PCDHA4: variants seen among roughly 807,000 people sequenced by gnomAD.
PCDHA4 encodes the protein protocadherin alpha 4.
A neutral mutation model predicts 61.4 loss-of-function variants in PCDHA4; 49 were observed. The observed-to-expected ratio is 0.80, with a 90% CI of 0.63 to 1.01. The LOEUF (loss-of-function observed/expected upper bound fraction) is 1.01, where lower values mean the gene tolerates loss of function less well. PCDHA4 is among the 50% of genes least tolerant of loss of function. The probability of loss-of-function intolerance (pLI) is 0.00; values close to 1 mark genes in which losing one functional copy is unlikely to be tolerated. For missense variants in PCDHA4, 1,254 were observed against 1,235.8 expected, an observed-to-expected ratio of 1.01 and a Z score of -0.22; for synonymous variants, 590 against 550.3, an observed-to-expected ratio of 1.07 and a Z score of -1.01.
intron 2 of PCDHA4, among the ~76,000 whole-genome samples, chr5:140,979,312 C>G (rs1419194517): frequency 1.3e-5 from 2 of 152,166 alleles, no homozygotes; most frequent in Admixed American, 6.5e-5. Flanking sequence ...CCCTCTCTAC[C>G]TATGCTTTCT....
At position 140,828,792 on chromosome 5, in the gene PCDHA4, A is replaced by G. The variant is rs1554131542; in HGVS notation, c.2385+19220A>G. 3 of 1,614,098 alleles carry G rather than the reference A, an allele frequency of 1.9e-6. No homozygotes were observed. The East Asian group carries it at 6.7e-5, about 36-fold the overall frequency. ...GTTCAGCTGCTGGTCACAGTGCTGG[A>G]TGTGAATGATAATGCTCCCACTTTC... On this transcript the variant is annotated intron_variant, in intron 1 of 3. Coordinates refer to ENST00000530339, the MANE Select transcript of PCDHA4 (RefSeq NM_018907.4).
chr5:140,857,108 C>T, intron 1 of PCDHA4: 6 of 1,597,856 alleles, frequency 3.8e-6, no homozygotes, highest in Non-Finnish European at 5.1e-6. Context: ...TGTCACTTCT[C>T]TGTCTCTCCC....
chr5:140,968,709 T>C lies in PCDHA4; in HGVS notation c.2386-10240T>C, dbSNP rs2153773320. ...GGAGAAATTAGGACTACCAGGAAGA[T>C]GGGAGATGAGAGTGGTAGCACTTTC... On this transcript the variant is annotated intron_variant, in intron 1 of 3. Coordinates refer to ENST00000530339, the MANE Select transcript of PCDHA4 (RefSeq NM_018907.4). The C allele has an allele frequency of 1.9e-6, 3 of 1,614,030 alleles. No homozygotes were observed. In the East Asian group the frequency reaches 6.7e-5, roughly 36 times the overall value.
intron 1 of PCDHA4, among the ~76,000 whole-genome samples, chr5:140,912,343 ATTTTT>A (rs35252606): frequency 7.0e-6 from 1 of 143,858 alleles, no homozygotes; most frequent in Non-Finnish European, 1.5e-5. Context: ...TACACTAAGT[ATTTTT>A]TTTTTTTTTT....
chr5:140,941,169 C>T (rs1283079666), intron 1 of PCDHA4, among the ~76,000 whole-genome samples: 1 of 145,950 alleles, frequency 6.9e-6, no homozygotes, highest in Admixed American at 6.9e-5. Flanking sequence ...GACTCCCCAT[C>T]TTGAACATCC....
intron 1 of PCDHA4, among the ~76,000 whole-genome samples, chr5:140,888,737 A>G (rs1468383652): frequency 6.6e-6 from 1 of 152,036 alleles, no homozygotes; most frequent in Non-Finnish European, 1.5e-5. Flanking sequence ...TGTGAGCTCT[A>G]GGAATTATTC....
At chr5:140,843,834 G>C in intron 1 of PCDHA4, 1 of 1,102,920 alleles carries the variant, frequency 9.1e-7, no homozygotes, top group Non-Finnish European at 1.3e-6. Flanking sequence ...ACATTGTTTA[G>C]TTTTTAGAAA....
At chr5:140,947,454 C>T (rs138457341) in intron 1 of PCDHA4, among the ~76,000 whole-genome samples, 1 of 151,582 alleles carries the variant, frequency 6.6e-6, no homozygotes, top group Non-Finnish European at 1.5e-5. Flanking sequence ...ATCCTCCAAC[C>T]TTGTTCTACT....
intron 1 of PCDHA4, among the ~76,000 whole-genome samples, chr5:140,941,343 G>C (rs2093045496): frequency 8.8e-6 from 1 of 114,104 alleles, no homozygotes. Context: ...TTCAGATGGA[G>C]TCTTGCTCTG....
chr5:140,850,612 C>T (rs1411031639), intron 1 of PCDHA4: 8 of 1,598,454 alleles, frequency 5.0e-6, no homozygotes, highest in Non-Finnish European at 6.8e-6. Context: ...GCCATCTGCG[C>T]GGTGTCTAGC....
At chr5:140,884,239 C>A (rs781996098) in intron 1 of PCDHA4, 1 of 1,613,424 alleles carries the variant, frequency 6.2e-7, no homozygotes, top group South Asian at 1.1e-5. Flanking sequence ...ACGGTGAGCC[C>A]GCGCTGACGG....
chr5:140,931,259 CTATT>C (rs1407255574), intron 1 of PCDHA4, among the ~76,000 whole-genome samples: 2 of 152,080 alleles, frequency 1.3e-5, no homozygotes, highest in African/African-American at 4.8e-5. Flanking sequence ...AGAAATTTCA[CTATT>C]TATTTCTTTT....
intron 1 of PCDHA4, chr5:140,810,142 T>C (rs1407817610): frequency 6.6e-6 from 1 of 152,414 alleles, no homozygotes; most frequent in Admixed American, 6.5e-5. Context: ...TCACTCATTG[T>C]TTATGAAATT....
At chr5:140,885,064 A>T (rs2060452937) in intron 1 of PCDHA4, among the ~76,000 whole-genome samples, 1 of 152,162 alleles carries the variant, frequency 6.6e-6, no homozygotes, top group Non-Finnish European at 1.5e-5. Context: ...TACCCACAAG[A>T]TATTATTTTA....
intron 1 of PCDHA4, chr5:140,815,922 A>G (rs1209942004): frequency 6.6e-6 from 1 of 152,132 alleles, no homozygotes; most frequent in Non-Finnish European, 1.5e-5. Flanking sequence ...TCTGGATGGC[A>G]AGGTTTCTAC....
In PCDHA4 at chr5:140,842,710, C is replaced by T. The variant is rs2150342683; in HGVS notation, c.2385+33138C>T. On this transcript the variant is annotated intron_variant, in intron 1 of 3. Coordinates refer to ENST00000530339, the MANE Select transcript of PCDHA4 (RefSeq NM_018907.4). ...TCGCGCAGCCCGAGTACACGGTGTT[C>T]GTGAAGGAGAACAACCCGCCGGGCT... The T allele has an allele frequency of 1.4e-5, 23 of 1,595,008 alleles. 3 individuals carry two copies. The Admixed American group carries it at 3.2e-4, about 22-fold the overall frequency.
intron 1 of PCDHA4, among the ~76,000 whole-genome samples, chr5:140,840,117 TG>T (rs1426116905): frequency 6.6e-6 from 1 of 151,944 alleles, no homozygotes; most frequent in African/African-American, 2.4e-5. Flanking sequence ...GAGTGAAAGC[TG>T]TACTAATAAG....
At chr5:140,954,015 C>T (rs1322183660) in intron 1 of PCDHA4, among the ~76,000 whole-genome samples, 4 of 152,136 alleles carry the variant, frequency 2.6e-5, no homozygotes, top group African/African-American at 7.2e-5. Context: ...AGCTCCCACA[C>T]ATAGTGGGAC....
chr5:140,842,639 A>C, intron 1 of PCDHA4: 1 of 1,595,430 alleles, frequency 6.3e-7, no homozygotes, highest in Non-Finnish European at 8.6e-7. Flanking sequence ...GGCCACCGCC[A>C]GCTTGTCTGT....
Sources: allele counts gnomAD v4.1 joint callset (sites outside exome capture counted in the v4.1 genomes callset), GRCh38; gene constraint gnomAD v4.1.1; transcripts MANE v1.5; gene names NCBI Gene and HGNC (gene_info 2026-07-23, HGNC 2026-07-21).